Variants in DIP2C observed in about 807,000 individuals in gnomAD.
DIP2C encodes the protein DIP2 acetate--CoA ligase C (putative).
Under a neutral mutation model 192.4 loss-of-function variants are expected in DIP2C, and 33 were observed. The ratio of observed to expected loss-of-function variants is 0.17; its 90% CI spans 0.13 to 0.23. DIP2C has a LOEUF of 0.23. Ranked by LOEUF, DIP2C falls within the 10% of genes least tolerant of loss-of-function variation. The pLI, the probability that DIP2C is intolerant of heterozygous loss-of-function variation, is 1.00. For missense variants in DIP2C, 1,537 were observed against 2,110.1 expected (o/e 0.73, Z 5.32); for synonymous variants, 979 against 864.1 (o/e 1.13, Z -2.33).
chr10:511,719 C>T (rs77948592), intron 1 of DIP2C, among the ~76,000 whole-genome samples: 9 of 152,056 alleles, frequency 5.9e-5, no homozygotes, highest in Non-Finnish European at 7.4e-5. Flanking sequence ...GTGGCGGCTC[C>T]GAGCTCTCTT....
chr10:294,847 A>C (rs958353271), intron 32 of DIP2C, among the ~76,000 whole-genome samples: 2 of 152,194 alleles, frequency 1.3e-5, no homozygotes, highest in Non-Finnish European at 2.9e-5. Flanking sequence ...AAGCTTCTGC[A>C]CAGCAAAGGA....
At chr10:533,556 C>G (rs1476551024) in intron 1 of DIP2C, among the ~76,000 whole-genome samples, 1 of 151,750 alleles carries the variant, frequency 6.6e-6, no homozygotes, top group Non-Finnish European at 1.5e-5. Context: ...GGGAAAACAT[C>G]TCAGGACCCC....
intron 4 of DIP2C, among the ~76,000 whole-genome samples, chr10:432,148 G>GTGA (rs1375099118): frequency 6.6e-6 from 1 of 151,996 alleles, no homozygotes; most frequent in East Asian, 1.9e-4. Flanking sequence ...TTGCATCTGT[G>GTGA]TTCATGAGAG....
At chr10:300,694 C>T in intron 32 of DIP2C, among the ~76,000 whole-genome samples, 1 of 142,298 alleles carries the variant, frequency 7.0e-6, no homozygotes, top group South Asian at 2.4e-4. Context: ...AAGCCGGAAC[C>T]CAGGCGCGGC....
chr10:427,991 A>G (rs1966703817), intron 4 of DIP2C, among the ~76,000 whole-genome samples: 1 of 152,242 alleles, frequency 6.6e-6, no homozygotes, highest in Non-Finnish European at 1.5e-5. Context: ...TAATTGCCGA[A>G]TAGAGGAAAG....
chr10:475,075 C>A (rs1026158210), intron 2 of DIP2C, among the ~76,000 whole-genome samples: 1 of 152,194 alleles, frequency 6.6e-6, no homozygotes, highest in South Asian at 2.1e-4. Flanking sequence ...CCAACACAGG[C>A]ATGTTCACCC....
At chr10:378,544 C>CACATGCAGACACGTGAACACAA (rs1961926067) in intron 17 of DIP2C, among the ~76,000 whole-genome samples, 1 of 151,888 alleles carries the variant, frequency 6.6e-6, no homozygotes, top group Non-Finnish European at 1.5e-5. Context: ...CACATGTGAA[C>CACATGCAGACACGTGAACACAA]ACATGCAGAC....
intron 1 of DIP2C, among the ~76,000 whole-genome samples, chr10:577,043 A>G (rs1283985238): frequency 3.9e-5 from 6 of 152,248 alleles, no homozygotes; most frequent in Non-Finnish European, 8.8e-5. Context: ...ACAATCTTGT[A>G]TATCTTTCTA....
chr10:315,181 T>C (rs1956724303), intron 31 of DIP2C, among the ~76,000 whole-genome samples: 1 of 152,262 alleles, frequency 6.6e-6, no homozygotes, highest in Non-Finnish European at 1.5e-5. Context: ...TTGTCTCATC[T>C]GTTATTCCTA....
intron 1 of DIP2C, among the ~76,000 whole-genome samples, chr10:564,224 C>T (rs372231059): frequency 6.6e-6 from 1 of 152,056 alleles, no homozygotes; most frequent in Non-Finnish European, 1.5e-5. Context: ...CCCCCACCCC[C>T]GCACGTGGTT....
chr10:664,859 C>T (rs995587157), intron 1 of DIP2C: 5 of 151,684 alleles, frequency 3.3e-5, no homozygotes, highest in Non-Finnish European at 5.9e-5. Context: ...ACTAAATAGA[C>T]GGGAAAAAAC....
At chr10:412,784 A>C (rs376936716) in intron 8 of DIP2C, among the ~76,000 whole-genome samples, 1 of 152,210 alleles carries the variant, frequency 6.6e-6, no homozygotes, top group East Asian at 1.9e-4. Context: ...GCAATCAGAA[A>C]AGTGTTGTAA....
chr10:542,920 CCA>C (rs75970146), intron 1 of DIP2C, among the ~76,000 whole-genome samples: 4,940 of 152,232 alleles, frequency 0.032, 153 homozygotes, highest in African/African-American at 0.078. Context: ...TCTCTATATA[CCA>C]CAGATCATCA....
chr10:556,920 A>ATT (rs1848910208), intron 1 of DIP2C, among the ~76,000 whole-genome samples: 1 of 144,748 alleles, frequency 6.9e-6, no homozygotes. Flanking sequence ...ACCTACATGC[A>ATT]CTCTCTCCTC....
chr10:384,003 C>A (rs750979260), intron 16 of DIP2C, 24 bp downstream of exon 16: 1 of 1,500,916 alleles, frequency 6.7e-7, no homozygotes, highest in Non-Finnish European at 8.8e-7. Flanking sequence ...GCCTGCCTCA[C>A]GAGATCACAC....
At chr10:527,695 A>G (rs974569792) in intron 1 of DIP2C, among the ~76,000 whole-genome samples, 3 of 152,228 alleles carry the variant, frequency 2.0e-5, no homozygotes, top group Non-Finnish European at 2.9e-5. Context: ...ACTTGACATA[A>G]ATGTTGGCTA....
In DIP2C at chr10:611,728, A is replaced by G. The variant is rs182096994; in HGVS notation, c.85+77766T>C. ...TATTTTCCTAAGGCACACACGTAGG[A>G]AAGCAGTGCCATGAGAGCAGGGGCT... On this transcript the variant is annotated intron_variant, in intron 1 of 36. Transcript: ENST00000280886. Among the ~76,000 whole-genome samples, 425 of 152,354 alleles carry G rather than the reference A, an allele frequency of 2.8e-3. 1 individual carries two copies. The highest frequency in any genetic ancestry group is 8.5e-3 in the African/African-American group (352 of 41,588).
chr10:380,654 G>A (rs1387070487), intron 17 of DIP2C, among the ~76,000 whole-genome samples: 2 of 152,210 alleles, frequency 1.3e-5, no homozygotes, highest in East Asian at 1.9e-4. Context: ...AAAAACATAA[G>A]GAGTAAATAA....
intron 3 of DIP2C, among the ~76,000 whole-genome samples, chr10:464,120 G>T (rs1212727758): frequency 6.6e-6 from 1 of 152,120 alleles, no homozygotes; most frequent in African/African-American, 2.4e-5. Context: ...AAAAGCAATA[G>T]CAACAAAAGC....
Sources: allele counts gnomAD v4.1 joint callset (sites outside exome capture counted in the v4.1 genomes callset), GRCh38; gene constraint gnomAD v4.1.1; transcripts MANE v1.5; gene names NCBI Gene and HGNC (gene_info 2026-07-23, HGNC 2026-07-21).